Variants in FAM178B observed in about 807,000 individuals in gnomAD.
FAM178B encodes the protein protein FAM178B.
Under a neutral mutation model 91.7 loss-of-function variants are expected in FAM178B, and 82 were observed. The ratio of observed to expected loss-of-function variants is 0.89; its 90% confidence interval spans 0.75 to 1.07. FAM178B has a LOEUF of 1.07. Among genes scored for constraint, FAM178B ranks in the 50% least tolerant of loss-of-function variants. The pLI, the probability that FAM178B is intolerant of heterozygous loss-of-function variation, is 0.00. For missense variants in FAM178B, 769 were observed against 846.7 expected, an observed-to-expected ratio of 0.91 and a Z score of 1.14; for synonymous variants, 368 against 359.4, an observed-to-expected ratio of 1.02 and a Z score of -0.27.
At chr2:96,885,931 G>C (rs184442519) in intron 14 of FAM178B, among the ~76,000 whole-genome samples, 128 of 152,170 alleles carry the variant, frequency 8.4e-4, no homozygotes, top group African/African-American at 3.0e-3. Flanking sequence ...AGAGTGGAGG[G>C]GGTCACTGAC....
chr2:96,882,414 G>A (rs75488624), intron 14 of FAM178B, among the ~76,000 whole-genome samples: 3,430 of 152,346 alleles, frequency 0.023, 126 homozygotes, highest in African/African-American at 0.079. Context: ...CACGGGAGTG[G>A]TGCAGGGCAG....
chr2:96,919,897 C>G (rs1453314493), intron 12 of FAM178B, among the ~76,000 whole-genome samples: 1 of 152,188 alleles, frequency 6.6e-6, no homozygotes. Flanking sequence ...CCCAGGACAA[C>G]TGAAGGTAAC....
chr2:96,933,926 C>G (rs966237664), intron 8 of FAM178B, among the ~76,000 whole-genome samples: 2 of 152,190 alleles, frequency 1.3e-5, no homozygotes, highest in Admixed American at 6.5e-5. Flanking sequence ...GGCTTAAAAT[C>G]CAATTCTTTC....
intron 8 of FAM178B, among the ~76,000 whole-genome samples, chr2:96,933,244 T>C (rs2081571323): frequency 6.6e-6 from 1 of 150,392 alleles, no homozygotes; most frequent in Non-Finnish European, 1.5e-5. Context: ...CTCCGTTTCA[T>C]AAAAAAATAA....
rs934745820 is a variant in FAM178B, at chr2:96,960,316, G to A, written c.859C>T (p.Arg287Cys). ...AGGAACAGCCCTTCCAGGTGGCTGCGTGGCTTCAGGAGTGAGGAGTCCAGG... is the reference window on the plus strand; with the variant it reads ...AGGAACAGCCCTTCCAGGTGGCTGCATGGCTTCAGGAGTGAGGAGTCCAGG... ...CILDSSLLKP[R>C]SHLEGLFLSS... The change falls in exon 6 of 17, where the codon CGC becomes TGC. Residue 287 changes from arginine (R) to cysteine (C), a missense_variant. Physicochemically the swap from Arg to Cys is radical, Grantham distance 180 (BLOSUM62 -3). Coordinates refer to ENST00000490605, the MANE Select transcript of FAM178B (RefSeq NM_001122646.3). The A allele has an allele frequency of 5.2e-6, 8 of 1,551,656 alleles. No individual in the cohort carries two copies. The East Asian group carries it at 1.2e-4, about 24-fold the overall frequency.
intron 14 of FAM178B, among the ~76,000 whole-genome samples, chr2:96,887,781 C>T (rs1460737596): frequency 2.6e-5 from 4 of 152,132 alleles, no homozygotes; most frequent in Non-Finnish European, 5.9e-5. Flanking sequence ...GATGAGGAGA[C>T]CCAGGTAGAG....
In FAM178B at chr2:96,986,410, C is replaced by CA. The variant is rs2082425737; in HGVS notation, c.-98dup. 5 of 1,416,656 alleles carry CA rather than the reference C, an allele frequency of 3.5e-6. No homozygotes were observed. The highest frequency in any genetic ancestry group is 2.6e-5 in the East Asian group (1 of 38,944). 87.8% of individuals were successfully genotyped at this position (1,416,656 alleles called of 1,614,324 possible). On this transcript the variant is annotated 5_prime_UTR_variant, in exon 1 of 17. Coordinates refer to ENST00000490605, the MANE Select transcript of FAM178B (RefSeq NM_001122646.3). The stretch of plus-strand genomic sequence containing the variant: ...AGCTAGCCGGGAAAGGAAGCAGGAG[C>CA]AGGCTCCCCAGGCGGCGCAGTGGGA...
At chr2:96,958,753 CATTA>C (rs2153374500) in intron 6 of FAM178B, among the ~76,000 whole-genome samples, 1 of 121,204 alleles carries the variant, frequency 8.3e-6, no homozygotes, top group East Asian at 2.9e-4. Flanking sequence ...GAAATCTGAG[CATTA>C]ACTGATATTA....
chr2:96,929,346 G>A (rs761526511), intron 8 of FAM178B, 26 bp from the exon 9 acceptor site: 1 of 1,498,160 alleles, frequency 6.7e-7, no homozygotes, highest in Non-Finnish European at 9.1e-7. Flanking sequence ...GGAGCAGAGA[G>A]TTAGAATGGG....
At chr2:96,892,855 T>A (rs529427008) in intron 14 of FAM178B, among the ~76,000 whole-genome samples, 1 of 152,158 alleles carries the variant, frequency 6.6e-6, no homozygotes, top group East Asian at 1.9e-4. Context: ...AACCAGCCCA[T>A]AACCAGCTCC....
chr2:96,925,887 T>C (rs2081429262), intron 9 of FAM178B, among the ~76,000 whole-genome samples: 1 of 152,244 alleles, frequency 6.6e-6, no homozygotes, highest in Non-Finnish European at 1.5e-5. Flanking sequence ...TGAGCACCAC[T>C]ACCACCTTAA....
intron 6 of FAM178B, 85 bp from the exon 7 acceptor site, chr2:96,951,569 A>G (rs540367431): frequency 1.0e-6 from 1 of 964,838 alleles, no homozygotes; most frequent in East Asian, 2.6e-5. Flanking sequence ...GTCACTACCC[A>G]GCTTCACTGG....
At chr2:96,896,985 G>A (rs111630790) in intron 13 of FAM178B, among the ~76,000 whole-genome samples, 3,871 of 152,282 alleles carry the variant, frequency 0.025, 165 homozygotes, top group African/African-American at 0.086. Flanking sequence ...TCCTGCCTCA[G>A]TCTCCCGAGT....
chr2:96,970,506 C>A (rs2082202872), intron 4 of FAM178B, among the ~76,000 whole-genome samples: 1 of 152,144 alleles, frequency 6.6e-6, no homozygotes, highest in Non-Finnish European at 1.5e-5. Flanking sequence ...AGAAGGAGGG[C>A]TCTGTTCGTG....
At chr2:96,957,305 C>T (rs1158020393) in intron 6 of FAM178B, among the ~76,000 whole-genome samples, 1 of 152,132 alleles carries the variant, frequency 6.6e-6, no homozygotes, top group Non-Finnish European at 1.5e-5. Flanking sequence ...GAAAGATGAC[C>T]CAGGGCTAAA....
intron 1 of FAM178B, chr2:96,977,898 T>C: frequency 2.3e-6 from 1 of 440,476 alleles, no homozygotes; most frequent in Non-Finnish European, 4.5e-6. Flanking sequence ...CCCAGGGCAC[T>C]CTGCAAGGGT....
At chr2:96,951,293 G>A in intron 7 of FAM178B, 86 bp downstream of exon 7, 6 of 951,510 alleles carry the variant, frequency 6.3e-6, no homozygotes, top group Non-Finnish European at 1.7e-6. Context: ...AAGAAGAGGT[G>A]AAGTGCCCAC....
chr2:96,912,215 G>A (rs937849545), intron 12 of FAM178B, among the ~76,000 whole-genome samples: 5 of 152,136 alleles, frequency 3.3e-5, no homozygotes, highest in African/African-American at 4.8e-5. Flanking sequence ...CCTCAACTAA[G>A]GCAACGGGGA....
intron 12 of FAM178B, among the ~76,000 whole-genome samples, chr2:96,919,314 A>G (rs977289176): frequency 6.6e-6 from 1 of 152,188 alleles, no homozygotes; most frequent in African/African-American, 2.4e-5. Context: ...CAGCCTAAGA[A>G]TTTGCACCTG....
Sources: allele counts gnomAD v4.1 joint callset (sites outside exome capture counted in the v4.1 genomes callset), GRCh38; gene constraint gnomAD v4.1.1; transcripts MANE v1.5; gene names NCBI Gene and HGNC (gene_info 2026-07-23, HGNC 2026-07-21).